ARHGAP21: variants seen among roughly 807,000 people sequenced by gnomAD.
ARHGAP21 encodes Rho GTPase activating protein 21.
ARHGAP21 carries 38 observed loss-of-function variants against 164.6 expected under a neutral mutation model. The ratio of observed to expected loss-of-function variants is 0.23; its 90% CI spans 0.18 to 0.30. The LOEUF (loss-of-function observed/expected upper bound fraction) is 0.30. Ranked by LOEUF, ARHGAP21 falls within the 10% of genes least tolerant of loss-of-function variation. The pLI is 1.00. For missense variants in ARHGAP21, 1,822 were observed against 2,370.7 expected, an observed-to-expected ratio of 0.77 and a Z score of 4.81; for synonymous variants, 766 against 857.9, an observed-to-expected ratio of 0.89 and a Z score of 1.87.
At chr10:24,658,316 C>T (rs540249695) in intron 4 of ARHGAP21, among the ~76,000 whole-genome samples, 3 of 152,270 alleles carry the variant, frequency 2.0e-5, no homozygotes, top group Non-Finnish European at 2.9e-5. Context: ...CCAGCCATCC[C>T]GTTACTGGGC....
intron 2 of ARHGAP21, among the ~76,000 whole-genome samples, chr10:24,681,750 T>C (rs780450507): frequency 6.6e-6 from 1 of 152,178 alleles, no homozygotes; most frequent in Non-Finnish European, 1.5e-5. Flanking sequence ...CTTTTTAGGA[T>C]GTCATTAGCT....
intron 2 of ARHGAP21, among the ~76,000 whole-genome samples, chr10:24,715,906 G>A (rs1845330750): frequency 6.6e-6 from 1 of 152,174 alleles, no homozygotes; most frequent in Non-Finnish European, 1.5e-5. Context: ...CTACTCAGGA[G>A]GCTGAGGCAG....
At chr10:24,703,011 T>C (rs1843847508) in intron 2 of ARHGAP21, among the ~76,000 whole-genome samples, 1 of 152,182 alleles carries the variant, frequency 6.6e-6, no homozygotes, top group African/African-American at 2.4e-5. Context: ...GTTTATATTA[T>C]AGTGTATAAT....
intron 4 of ARHGAP21, among the ~76,000 whole-genome samples, chr10:24,648,448 A>G (rs1837806275): frequency 6.6e-6 from 1 of 152,238 alleles, no homozygotes; most frequent in African/African-American, 2.4e-5. Context: ...TCTTTCAAGC[A>G]AAGTTCCATG....
At chr10:24,650,761 A>G (rs1838082006) in intron 4 of ARHGAP21, among the ~76,000 whole-genome samples, 1 of 152,242 alleles carries the variant, frequency 6.6e-6, no homozygotes, top group Non-Finnish European at 1.5e-5. Context: ...GACGATGTAT[A>G]ACCACATTTG....
At chr10:24,634,361 T>TA (rs1836162219) in intron 5 of ARHGAP21, among the ~76,000 whole-genome samples, 1 of 152,180 alleles carries the variant, frequency 6.6e-6, no homozygotes. Context: ...GGCAGTGAAA[T>TA]ATAGCTTTTC....
At chr10:24,658,669 G>C (rs371700064) in intron 4 of ARHGAP21, among the ~76,000 whole-genome samples, 2 of 152,064 alleles carry the variant, frequency 1.3e-5, no homozygotes, top group African/African-American at 4.8e-5. Context: ...CACACACTGG[G>C]GCCTGTTGTG....
chr10:24,697,789 G>C (rs1312133402), intron 2 of ARHGAP21, among the ~76,000 whole-genome samples: 1 of 152,058 alleles, frequency 6.6e-6, no homozygotes, highest in African/African-American at 2.4e-5. Flanking sequence ...GAACCTGAGA[G>C]GCAGAGGTTG....
At chr10:24,587,681 C>T (rs537660939) in intron 25 of ARHGAP21, among the ~76,000 whole-genome samples, 1 of 152,290 alleles carries the variant, frequency 6.6e-6, no homozygotes, top group Admixed American at 6.5e-5. Flanking sequence ...CCTTGATGTC[C>T]ATCCTCTCTA....
chr10:24,682,145 C>T (rs1335867757), intron 2 of ARHGAP21, among the ~76,000 whole-genome samples: 1 of 151,084 alleles, frequency 6.6e-6, no homozygotes, highest in Admixed American at 6.6e-5. Context: ...GTCACTGATA[C>T]ATAAAGGCTT....
chr10:24,699,077 C>T (rs1843416752), intron 2 of ARHGAP21, among the ~76,000 whole-genome samples: 1 of 152,122 alleles, frequency 6.6e-6, no homozygotes, highest in South Asian at 2.1e-4. Flanking sequence ...GTTTTCCCAC[C>T]TTAGCTTTCT....
chr10:24,610,523 C>T (rs1355919038), intron 9 of ARHGAP21, among the ~76,000 whole-genome samples: 1 of 151,910 alleles, frequency 6.6e-6, no homozygotes, highest in Non-Finnish European at 1.5e-5. Context: ...AAATACAGGC[C>T]TATATATCCA....
chr10:24,633,352 T>C lies in ARHGAP21; in HGVS notation c.440+50A>G, dbSNP rs368911392. ...AAGATTGTATTAAATCTATGTGCTCTATTGATCTATAAAACCCATCTTTGG... is the reference window on the plus strand; with the variant it reads ...AAGATTGTATTAAATCTATGTGCTCCATTGATCTATAAAACCCATCTTTGG... On this transcript the variant is annotated intron_variant, in intron 6 of 25. Coordinates refer to ENST00000396432, the MANE Select transcript of ARHGAP21 (RefSeq NM_020824.4). 93 of 1,263,224 alleles carry C rather than the reference T, an allele frequency of 7.4e-5. No homozygotes were observed. In the African/African-American group the frequency reaches 1.2e-3, roughly 17 times the overall value. The allele number at this position is 1,263,224 out of a possible 1,614,324, so 78.3% of individuals were successfully genotyped here.
chr10:24,606,022 C>T (rs1379076869), intron 11 of ARHGAP21, among the ~76,000 whole-genome samples: 1 of 152,032 alleles, frequency 6.6e-6, no homozygotes, highest in African/African-American at 2.4e-5. Context: ...TCAACAGGTA[C>T]TTTTGGGACA....
At chr10:24,690,039 TGTAA>T (rs2132001628) in intron 2 of ARHGAP21, among the ~76,000 whole-genome samples, 1 of 151,980 alleles carries the variant, frequency 6.6e-6, no homozygotes, top group East Asian at 1.9e-4. Context: ...CAATATTTTA[TGTAA>T]GTCTTTCCAT....
Position 24,585,901 on chromosome 10 carries a change from T to C in ARHGAP21, c.4388A>G (p.Glu1463Gly). The change falls in exon 26 of 26, where the codon GAG becomes GGG. Residue 1463 changes from glutamate (E) to glycine (G), a missense_variant. By Grantham distance (98) the Glu-to-Gly change is moderately conservative. Transcript: ENST00000396432. ...DTKEESKKES[E>G]TLGRKQKIII... ...GATCTTCTGTTTTCTGCCCAGTGTC[T>C]CACTTTCTTTTTTGGACTCCTCTTT... The C allele has an allele frequency of 6.2e-7, 1 of 1,614,100 alleles. No homozygotes were observed. Among genetic ancestry groups the C allele is most frequent in the Non-Finnish European group, 8.5e-7 (1 of 1,179,942 alleles).
chr10:24,708,744 CA>C (rs1192089577), intron 2 of ARHGAP21, among the ~76,000 whole-genome samples: 3 of 152,194 alleles, frequency 2.0e-5, no homozygotes, highest in African/African-American at 7.2e-5. Context: ...CACATTGCTG[CA>C]AAAGATATAA....
At chr10:24,712,764 T>C (rs1844963374) in intron 2 of ARHGAP21, among the ~76,000 whole-genome samples, 2 of 152,172 alleles carry the variant, frequency 1.3e-5, no homozygotes, top group South Asian at 4.1e-4. Context: ...AACAATTTCC[T>C]AAAAGGATTA....
intron 6 of ARHGAP21, among the ~76,000 whole-genome samples, chr10:24,631,209 C>T (rs1835821558): frequency 6.6e-6 from 1 of 151,984 alleles, no homozygotes. Flanking sequence ...ACTAAAAATA[C>T]AAAAATTAGC....
Sources: gnomAD v4.1 joint callset for allele counts (sites outside exome capture counted in the v4.1 genomes callset) on GRCh38, gnomAD v4.1.1 for gene constraint, MANE v1.5 for transcripts, NCBI Gene and HGNC (gene_info 2026-07-23, HGNC 2026-07-21) for gene names.